PTCHD1: variants seen among roughly 807,000 people sequenced by gnomAD.
The protein encoded by PTCHD1 is patched domain-containing protein 1.
A neutral mutation model predicts 34.6 loss-of-function variants in PTCHD1; 3 were observed. The ratio of observed to expected loss-of-function variants is 0.09; its 90% CI spans 0.04 to 0.22. The LOEUF is 0.22. PTCHD1 is among the 10% of genes least tolerant of loss of function. The pLI is 1.00. For missense variants in PTCHD1, 504 were observed against 685.5 expected (o/e 0.74, Z 2.96); for synonymous variants, 305 against 283.1 (o/e 1.08, Z -0.77).
At position 23,369,508 on chromosome X, in the gene PTCHD1, T is replaced by C. The variant is rs1434720020; in HGVS notation, c.352-10083T>C. 4.5e-5 allele frequency among the ~76,000 whole-genome samples: 5 copies of C among 111,512 alleles called. No homozygotes were observed. The East Asian group carries it at 1.4e-3, about 31-fold the overall frequency. On this transcript the variant is annotated intron_variant, in intron 1 of 2. Transcript: ENST00000379361. ...AATCTGGGCTGATCCACTTACTAAA[T>C]TTGTGGCCATGGACAAGTTATTTAA...
At chrX:23,373,246 T>A (rs1443233409) in intron 1 of PTCHD1, among the ~76,000 whole-genome samples, 1 of 112,790 alleles carries the variant, frequency 8.9e-6, no homozygotes, top group Non-Finnish European at 1.9e-5. Flanking sequence ...CTTGGCTGCT[T>A]TTCAGTGTCA....
intron 1 of PTCHD1, chrX:23,351,597 T>G (rs1284385438): frequency 9.3e-6 from 2 of 215,220 alleles, no homozygotes; most frequent in Admixed American, 1.3e-4. Flanking sequence ...AAATCTTTAT[T>G]AAAAATTAAA....
chrX:23,362,144 T>C (rs1470440401), intron 1 of PTCHD1, among the ~76,000 whole-genome samples: 3 of 111,869 alleles, frequency 2.7e-5, no homozygotes, highest in African/African-American at 9.8e-5. Context: ...TTGCTCTTCT[T>C]GAGGAGTATC....
In PTCHD1 at chrX:23,393,132, C is replaced by T. The variant is rs1317513; in HGVS notation, c.1614C>T (p.Thr538=). The change falls in exon 3 of 3, where the codon ACC becomes ACT. Residue 538 remains threonine, a synonymous_variant. Coordinates refer to ENST00000379361, the MANE Select transcript of PTCHD1 (RefSeq NM_173495.3). ...ACATTGTAGCAACCGCGACACAAAC[C>T]ATTGAGTACACTACTGCCCAGCAAA... ...LSNIVATATQ[T]IEYTTAQQKY... is the part of the protein sequence containing the mutation. 8.3e-7 allele frequency: 1 copy of T among 1,211,348 alleles called. No homozygotes were observed. The highest frequency in any genetic ancestry group is 1.1e-6 in the Non-Finnish European group (1 of 895,141).
At chrX:23,371,790 A>G (rs1178941141) in intron 1 of PTCHD1, among the ~76,000 whole-genome samples, 1 of 111,414 alleles carries the variant, frequency 9.0e-6, no homozygotes, top group Non-Finnish European at 1.9e-5. Context: ...GGAAGCTGTA[A>G]GACCACTCAC....
intron 1 of PTCHD1, among the ~76,000 whole-genome samples, chrX:23,357,634 T>C (rs770502699): frequency 3.1e-4 from 34 of 110,197 alleles, no homozygotes; most frequent in African/African-American, 1.2e-3. Flanking sequence ...TGGTGGGGTA[T>C]TTACCAACAC....
intron 1 of PTCHD1, among the ~76,000 whole-genome samples, chrX:23,342,293 TATATATATATATATATA>T (rs1476322494): frequency 3.6e-3 from 45 of 12,341 alleles, no homozygotes; most frequent in Non-Finnish European, 5.5e-3. Flanking sequence ...TATATATATA[TATATATATATATATATA>T]TTTTTTTTTT....
At chrX:23,377,285 G>C (rs895022513) in intron 1 of PTCHD1, among the ~76,000 whole-genome samples, 4 of 112,052 alleles carry the variant, frequency 3.6e-5, no homozygotes, top group Non-Finnish European at 7.5e-5. Context: ...TCCTTTTCTA[G>C]CCTATTCTGA....
intron 1 of PTCHD1, among the ~76,000 whole-genome samples, chrX:23,374,575 G>T (rs1182771575): frequency 9.3e-6 from 1 of 108,075 alleles, no homozygotes; most frequent in Non-Finnish European, 1.9e-5. Context: ...CGCCTCCCCA[G>T]AATGGGAAAT....
chrX:23,389,860 A>G (rs1443652879), intron 2 of PTCHD1, among the ~76,000 whole-genome samples: 3 of 112,182 alleles, frequency 2.7e-5, no homozygotes, highest in Non-Finnish European at 5.6e-5. Flanking sequence ...TAGAAGGACA[A>G]GGCATTTAAA....
chrX:23,347,055 A>G lies in PTCHD1; in HGVS notation c.351+11829A>G, dbSNP rs1264114467. On this transcript the variant is annotated intron_variant, in intron 1 of 2. Coordinates refer to ENST00000379361, the MANE Select transcript of PTCHD1 (RefSeq NM_173495.3). ...AAATGCTTACTCTCCAGGAGAATGG[A>G]CTTGCCAGAGCACGATTCTGAAACT... is the stretch of plus-strand genomic sequence containing the variant. Among the ~76,000 whole-genome samples, 3 of 111,850 alleles carry G rather than the reference A, an allele frequency of 2.7e-5. No homozygotes were observed. In the East Asian group the frequency reaches 8.4e-4, roughly 31 times the overall value.
chrX:23,342,266 C>CATATATATATA (rs1921331408), intron 1 of PTCHD1, among the ~76,000 whole-genome samples: 5 of 31,263 alleles, frequency 1.6e-4, no homozygotes, highest in Non-Finnish European at 3.0e-4. Flanking sequence ...GTGTTTCTCC[C>CATATATATATA]TATATATATA....
At chrX:23,383,096 AG>A (rs1922604431) in intron 2 of PTCHD1, among the ~76,000 whole-genome samples, 2 of 112,561 alleles carry the variant, frequency 1.8e-5, no homozygotes, top group African/African-American at 6.4e-5. Context: ...GAAGAAATGC[AG>A]TGCTAAGAGT....
intron 1 of PTCHD1, among the ~76,000 whole-genome samples, chrX:23,357,170 T>C (rs895388162): frequency 3.6e-5 from 4 of 111,861 alleles, no homozygotes; most frequent in Non-Finnish European, 7.5e-5. Flanking sequence ...TGAAGTTAGA[T>C]ATTCTCCCAC....
In PTCHD1 at chrX:23,335,299, C is replaced by G. The variant is rs760226566; in HGVS notation, c.351+73C>G. 1.4e-5 allele frequency: 12 copies of G among 875,976 alleles called. No homozygotes were observed. The South Asian group carries it at 2.5e-4, about 19-fold the overall frequency. 72.2% of individuals were successfully genotyped at this position (875,976 alleles called of 1,213,427 possible). A position where few individuals can be genotyped will look rare whatever the true frequency, so the allele number is the denominator to read the frequency against. On this transcript the variant is annotated intron_variant, in intron 1 of 2. Coordinates refer to ENST00000379361, the MANE Select transcript of PTCHD1 (RefSeq NM_173495.3). ...GTCGGGCTGGCTCTGCGCTGGGGTCCCGGCTGAGAGCGCCACCTCTCCTAG... is the reference window on the plus strand; with the variant it reads ...GTCGGGCTGGCTCTGCGCTGGGGTCGCGGCTGAGAGCGCCACCTCTCCTAG...
intron 1 of PTCHD1, among the ~76,000 whole-genome samples, chrX:23,371,928 A>C (rs945563368): frequency 9.0e-6 from 1 of 111,519 alleles, no homozygotes; most frequent in Non-Finnish European, 1.9e-5. Context: ...ATGATGAGAC[A>C]AACTAAAGTC....
intron 1 of PTCHD1, among the ~76,000 whole-genome samples, chrX:23,337,844 C>T (rs1055182138): frequency 9.1e-6 from 1 of 110,466 alleles, no homozygotes; most frequent in Admixed American, 9.6e-5. Context: ...TAGACCCATT[C>T]TCTCCTCTTA....
intron 1 of PTCHD1, among the ~76,000 whole-genome samples, chrX:23,342,109 C>T (rs972551896): frequency 9.3e-6 from 1 of 107,725 alleles, no homozygotes; most frequent in Non-Finnish European, 1.9e-5. Flanking sequence ...CTCAGTCTCA[C>T]TAGGGAACTC....
chrX:23,396,007 C>T lies in PTCHD1; in HGVS notation c.*1822C>T, dbSNP rs1368452711. The T allele has an allele frequency of 8.9e-6, 1 of 112,159 alleles. No homozygotes were observed. Among genetic ancestry groups the T allele is most frequent in the African/African-American group, 3.2e-5 (1 of 30,823 alleles). The allele number at this position is 112,159 out of a possible 1,213,427, so 9.2% of individuals were successfully genotyped here. A position where few individuals can be genotyped will look rare whatever the true frequency, so the allele number is the denominator to read the frequency against. On this transcript the variant is annotated 3_prime_UTR_variant, in exon 3 of 3. Coordinates refer to ENST00000379361, the MANE Select transcript of PTCHD1 (RefSeq NM_173495.3). Reference sequence around the variant, plus strand: ...GATGGCTATTACTCCTCTCAAAATGCATTTCCAAAGTAGGAACATAGGACT... The same window carrying T: ...GATGGCTATTACTCCTCTCAAAATGTATTTCCAAAGTAGGAACATAGGACT...
Sources: allele counts gnomAD v4.1 joint callset (sites outside exome capture counted in the v4.1 genomes callset), GRCh38; gene constraint gnomAD v4.1.1; transcripts MANE v1.5; gene names NCBI Gene and HGNC (gene_info 2026-07-23, HGNC 2026-07-21).